Variants in MOV10 observed in about 807,000 individuals in gnomAD.
The protein encoded by MOV10 is RNA helicase MOV-10.
A neutral mutation model predicts 108.4 loss-of-function variants in MOV10; 39 were observed. The ratio of observed to expected loss-of-function variants is 0.36; its 90% confidence interval spans 0.28 to 0.47. The LOEUF is 0.47. Ranked by LOEUF, MOV10 falls within the 20% of genes least tolerant of loss-of-function variation. MOV10 has a pLI of 1.00. For synonymous variants in MOV10, 490 were observed against 523.1 expected (o/e 0.94, Z 0.86); for missense variants, 952 against 1,297.6 (o/e 0.73, Z 4.09).
chr1:112,694,857 C>G lies in MOV10; in HGVS notation c.1581C>G (p.Gly527=). ...PAPYIIFGPP[G]TGKTVTLVEA... Reference sequence around the variant, plus strand: ...CCTACATCATCTTTGGGCCTCCAGGCACCGGCAAGACTGTCACGTTAGTGG... The same window carrying G: ...CCTACATCATCTTTGGGCCTCCAGGGACCGGCAAGACTGTCACGTTAGTGG... Residue 527 remains glycine (G), a synonymous_variant, in exon 10 of 21, where the codon GGC becomes GGG. Coordinates refer to ENST00000369645, the MANE Select transcript of MOV10 (RefSeq NM_001321324.2). The surrounding 1 kb of genome is among the most constrained non-coding windows in gnomAD (Gnocchi z 4.1). The G allele has an allele frequency of 6.2e-7, 1 of 1,614,080 alleles. No homozygotes were observed.
intron 2 of MOV10, among the ~76,000 whole-genome samples, chr1:112,681,798 T>C (rs2101278893): frequency 6.6e-6 from 1 of 151,306 alleles, no homozygotes; most frequent in South Asian, 2.1e-4. Context: ...TCAGTACACT[T>C]CACTCCAACA....
chr1:112,695,720 T>C, intron 11 of MOV10, 146 bp downstream of exon 11: 2 of 641,874 alleles, frequency 3.1e-6, no homozygotes, highest in Non-Finnish European at 4.7e-6. Flanking sequence ...TGGGCCTCAG[T>C]TTGTCTGTAA....
At chr1:112,695,924 C>A (rs1674032559) in intron 11 of MOV10, among the ~76,000 whole-genome samples, 1 of 152,148 alleles carries the variant, frequency 6.6e-6, no homozygotes. Flanking sequence ...TGCCTGTAGC[C>A]CCAGCTACTC....
chr1:112,691,563 C>A, intron 5 of MOV10, 102 bp from the exon 6 acceptor site: 2 of 1,449,822 alleles, frequency 1.4e-6, no homozygotes, highest in African/African-American at 1.4e-5. Flanking sequence ...TTCCCTTCAG[C>A]AGTAGGATTG....
At position 112,696,342 on chromosome 1, in the gene MOV10, G is replaced by T. The variant is rs538031263; in HGVS notation, c.1883+91G>T. On this transcript the variant is annotated intron_variant, in intron 12 of 20. Transcript: ENST00000369645. Reference sequence around the variant, plus strand: ...AATGGGGAAGAATGGTTTCCGGAGTGGGGTGGTGGGTGCTGAGAAGCCAGC... The same window carrying T: ...AATGGGGAAGAATGGTTTCCGGAGTTGGGTGGTGGGTGCTGAGAAGCCAGC... 22 of 1,411,734 alleles carry T rather than the reference G, an allele frequency of 1.6e-5. No individual in the cohort carries two copies. In the South Asian group the frequency reaches 2.2e-4, roughly 14 times the overall value. 87.5% of individuals were successfully genotyped at this position (1,411,734 alleles called of 1,614,324 possible).
At chr1:112,685,491 C>G (rs1279761307) in intron 2 of MOV10, among the ~76,000 whole-genome samples, 1 of 151,608 alleles carries the variant, frequency 6.6e-6, no homozygotes, top group East Asian at 1.9e-4. Context: ...TCTGTCTCTA[C>G]TAAAAATAGA....
rs1314337422 is a variant in MOV10 at position 112,696,217 on chromosome 1, C to T, written c.1849C>T (p.Arg617Trp). The change falls in exon 12 of 21, where the codon CGG (arginine) becomes TGG (tryptophan). Residue 617 changes from arginine to tryptophan, a missense_variant. Transcript: ENST00000369645. ...CGCCAAGAAGAAGCTGCAGGAATAC[C>T]GGGTCTTAATTACCACCCTCATCAC... ...FPAKKKLQEYRVLITTLITAG... is the reference protein window; with the variant it reads ...FPAKKKLQEYWVLITTLITAG... 5 of 1,613,622 alleles carry T rather than the reference C, an allele frequency of 3.1e-6. No homozygotes were observed. Among genetic ancestry groups the T allele is most frequent in the Non-Finnish European group, 4.2e-6 (5 of 1,179,812 alleles).
At chr1:112,689,393 C>CCGGT in intron 3 of MOV10, 22 bp from the exon 4 acceptor site, 1 of 1,466,968 alleles carries the variant, frequency 6.8e-7, no homozygotes, top group Non-Finnish European at 9.6e-7. Flanking sequence ...CCCAACCCCC[C>CCGGT]CTTGACTCCC....
chr1:112,689,156 G>A lies in MOV10; in HGVS notation c.341+18G>A. The A allele has an allele frequency of 6.3e-7, 1 of 1,577,114 alleles. No homozygotes were observed. The highest frequency in any genetic ancestry group is 8.6e-7 in the Non-Finnish European group (1 of 1,160,530). On this transcript the variant is annotated intron_variant, in intron 3 of 20. Coordinates refer to ENST00000369645, the MANE Select transcript of MOV10 (RefSeq NM_001321324.2). ...TATGACAGGTGTGTGTGTGTTGTAT[G>A]TTGTGTGTACGGGGAGGTCTGCAGG...
Position 112,695,466 on chromosome 1 carries a change from C to T in MOV10, c.1671C>T (p.Asn557=). The stretch of plus-strand genomic sequence containing the variant: ...ACATCTTGGCCTGCGCTCCATCCAA[C>T]TCAGGGGCTGACCTACTCTGTCAAA... ...KAHILACAPS[N]SGADLLCQRL... is the part of the protein sequence containing the mutation. The change falls in exon 11 of 21, where the codon AAC becomes AAT. Residue 557 remains asparagine (N), a synonymous_variant. Coordinates refer to ENST00000369645, the MANE Select transcript of MOV10 (RefSeq NM_001321324.2). The T allele has an allele frequency of 6.2e-7, 1 of 1,614,234 alleles. No individual in the cohort carries two copies. Among genetic ancestry groups the T allele is most frequent in the Non-Finnish European group, 8.5e-7 (1 of 1,180,044 alleles).
intron 5 of MOV10, 46 bp from the exon 6 acceptor site, chr1:112,691,618 GT>G (rs771357210): frequency 6.2e-7 from 1 of 1,601,192 alleles, no homozygotes; most frequent in Admixed American, 1.7e-5. Flanking sequence ...TTCTCAGAGT[GT>G]TGGAGGGTGA....
At chr1:112,687,920 A>G (rs1673208473) in intron 2 of MOV10, among the ~76,000 whole-genome samples, 1 of 152,068 alleles carries the variant, frequency 6.6e-6, no homozygotes, top group Non-Finnish European at 1.5e-5. Flanking sequence ...CTCCCTGCAC[A>G]TGTTCTTGCG....
intron 2 of MOV10, among the ~76,000 whole-genome samples, chr1:112,685,658 A>G: frequency 7.2e-6 from 1 of 139,852 alleles, no homozygotes; most frequent in East Asian, 1.9e-4. Flanking sequence ...CGTCTCAATA[A>G]AATAAAATAA....
Position 112,694,971 on chromosome 1 carries a change from TC to T in MOV10, c.1620+77del. 1 of 1,483,578 alleles carries T rather than the reference TC, an allele frequency of 6.7e-7. No individual in the cohort carries two copies. The highest frequency in any genetic ancestry group is 1.3e-5 in the South Asian group (1 of 77,198). The allele number at this position is 1,483,578 out of a possible 1,614,324, so 91.9% of individuals were successfully genotyped here. A position where few individuals can be genotyped will look rare whatever the true frequency, so the allele number is the denominator to read the frequency against. On this transcript the variant is annotated intron_variant, in intron 10 of 20. Transcript: ENST00000369645. The surrounding 1 kb of genome is among the most constrained non-coding windows in gnomAD (Gnocchi z 4.1). ...CAAGCAGTTGTCCCCAGATTCTAGT[TC>T]CTTCCCACTCCCGAAATGCTCCTGC...
intron 5 of MOV10, among the ~76,000 whole-genome samples, chr1:112,691,066 G>A (rs191931608): frequency 9.1e-4 from 139 of 152,070 alleles, no homozygotes; most frequent in African/African-American, 3.2e-3. Flanking sequence ...ATCACTTGAG[G>A]TCAAGAGTTT....
chr1:112,685,645 T>G (rs1382021132), intron 2 of MOV10, among the ~76,000 whole-genome samples: 1 of 120,528 alleles, frequency 8.3e-6, no homozygotes, highest in Non-Finnish European at 1.6e-5. Context: ...TAGAGCAAGA[T>G]TCCGTCTCAA....
At chr1:112,678,960 C>G (rs1429077711) in intron 2 of MOV10, among the ~76,000 whole-genome samples, 1 of 151,980 alleles carries the variant, frequency 6.6e-6, no homozygotes, top group Admixed American at 6.6e-5. Flanking sequence ...TGAAACAATA[C>G]ATAGTTTCAC....
intron 11 of MOV10, 41 bp downstream of exon 11, chr1:112,695,615 G>A (rs376854682): frequency 2.7e-5 from 43 of 1,596,404 alleles, no homozygotes; most frequent in African/African-American, 1.1e-4. Flanking sequence ...GGCAAATGCC[G>A]GGGAGGCTCT....
Position 112,691,744 on chromosome 1 carries a change from A to C in MOV10, c.916A>C (p.Met306Leu). 1.2e-6 allele frequency: 2 copies of C among 1,614,100 alleles called. No individual in the cohort carries two copies. Among genetic ancestry groups the C allele is most frequent in the Non-Finnish European group, 1.7e-6 (2 of 1,180,026 alleles). ...PPPRLRQLLP[M>L]LLQGTSIFTA... ...TCCCCGCCTCAGGCAGCTGCTCCCC[A>C]TGCTTCTTCAGGGAACAAGTATCTT... is the stretch of plus-strand genomic sequence containing the variant. The change falls in exon 6 of 21, where the codon ATG becomes CTG. Residue 306 changes from methionine to leucine, a missense_variant. Physicochemically the swap from Met to Leu is conservative, Grantham distance 15. This residue lies in a region of MOV10 where 374 missense variants were observed against 468.6 expected (regional missense o/e 0.80). Transcript: ENST00000369645.
Sources: gnomAD v4.1 joint callset for allele counts (sites outside exome capture counted in the v4.1 genomes callset) on GRCh38, gnomAD v4.1.1 for gene constraint, gnomAD v4.1.1 regional missense constraint, Gnocchi (gnomAD v3.1) non-coding constraint, MANE v1.5 for transcripts, NCBI Gene and HGNC (gene_info 2026-07-23, HGNC 2026-07-21) for gene names.